Variants in ZFPM2 observed in about 807,000 individuals in gnomAD.
ZFPM2 encodes the protein zinc finger protein, FOG family member 2.
Under a neutral mutation model 98.6 loss-of-function variants are expected in ZFPM2, and 20 were observed. The observed-to-expected ratio is 0.20, with a 90% CI of 0.14 to 0.29. ZFPM2 has a LOEUF of 0.29. Ranked by LOEUF, ZFPM2 falls within the 10% of genes least tolerant of loss-of-function variation. ZFPM2 has a pLI of 1.00. For synonymous variants in ZFPM2, 518 were observed against 502.7 expected (o/e 1.03, Z -0.41); for missense variants, 1,310 against 1,388.6 (o/e 0.94, Z 0.90).
intron 3 of ZFPM2, among the ~76,000 whole-genome samples, chr8:105,538,627 T>A (rs1226344960): frequency 6.6e-6 from 1 of 152,114 alleles, no homozygotes; most frequent in African/African-American, 2.4e-5. Context: ...TTATTCCATA[T>A]TATTATGGGC....
Position 105,577,747 on chromosome 8 carries a change from A to G in ZFPM2, c.420+16266A>G, listed in dbSNP as rs535027432. ...GAGCGTTATAAAAAGACCCAATTTA[A>G]TTAAAGTGGCAAATATGGTGAGGAA... On this transcript the variant is annotated intron_variant, in intron 4 of 7. Coordinates refer to ENST00000407775, the MANE Select transcript of ZFPM2 (RefSeq NM_012082.4). Among the ~76,000 whole-genome samples the G allele has an allele frequency of 7.3e-5, 11 of 151,560 alleles. No individual in the cohort carries two copies. In the Middle Eastern group the frequency reaches 0.014, roughly 187 times the overall value.
intron 4 of ZFPM2, among the ~76,000 whole-genome samples, chr8:105,569,543 A>C (rs1368262778): frequency 6.6e-6 from 1 of 152,188 alleles, no homozygotes; most frequent in Non-Finnish European, 1.5e-5. Flanking sequence ...CAAGATAACT[A>C]TGTCTATTTC....
chr8:105,743,872 G>A (rs1472272198), intron 5 of ZFPM2, among the ~76,000 whole-genome samples: 1 of 152,018 alleles, frequency 6.6e-6, no homozygotes, highest in Non-Finnish European at 1.5e-5. Flanking sequence ...TAGGTGTCAC[G>A]TGTTCATAGA....
chr8:105,594,056 G>A (rs904064091), intron 4 of ZFPM2, among the ~76,000 whole-genome samples: 1 of 152,080 alleles, frequency 6.6e-6, no homozygotes, highest in African/African-American at 2.4e-5. Flanking sequence ...AGGGGTTCCA[G>A]GGTTATTGTA....
chr8:105,674,964 G>T (rs193046161), intron 5 of ZFPM2, among the ~76,000 whole-genome samples: 1 of 152,190 alleles, frequency 6.6e-6, no homozygotes, highest in African/African-American at 2.4e-5. Context: ...AATGGTGATG[G>T]ATTAGACGTT....
At chr8:105,469,953 G>C (rs1424596314) in intron 3 of ZFPM2, among the ~76,000 whole-genome samples, 1 of 152,070 alleles carries the variant, frequency 6.6e-6, no homozygotes. Flanking sequence ...AATTATTATT[G>C]TCATTATAAA....
At chr8:105,471,928 G>A (rs1175824274) in intron 3 of ZFPM2, among the ~76,000 whole-genome samples, 1 of 152,034 alleles carries the variant, frequency 6.6e-6, no homozygotes, top group Non-Finnish European at 1.5e-5. Context: ...AGAATCATTT[G>A]GATTATTACC....
In ZFPM2 at chr8:105,543,232, TC is replaced by T. The variant is rs1465637958; in HGVS notation, c.302-18128del. The stretch of plus-strand genomic sequence containing the variant: ...CGGGCGTGGTAGCTCACTCCTGTAA[TC>T]CCAGCATTTTGGGAGACCAAGGTGG... On this transcript the variant is annotated intron_variant, in intron 3 of 7. Coordinates refer to ENST00000407775, the MANE Select transcript of ZFPM2 (RefSeq NM_012082.4). Among the ~76,000 whole-genome samples, 5 of 152,304 alleles carry T rather than the reference TC, an allele frequency of 3.3e-5. No homozygotes were observed. In the East Asian group the frequency reaches 7.7e-4, roughly 23 times the overall value.
intron 1 of ZFPM2, among the ~76,000 whole-genome samples, chr8:105,412,024 C>T: frequency 6.6e-6 from 1 of 151,702 alleles, no homozygotes; most frequent in East Asian, 1.9e-4. Context: ...GTTCTCAAAG[C>T]AAGGCATTTC....
chr8:105,767,062 T>G (rs1340141493), intron 5 of ZFPM2, among the ~76,000 whole-genome samples: 1 of 151,860 alleles, frequency 6.6e-6, no homozygotes, highest in Non-Finnish European at 1.5e-5. Flanking sequence ...CTACAGGAAT[T>G]TGAATGCCAG....
intron 3 of ZFPM2, among the ~76,000 whole-genome samples, chr8:105,493,079 T>C (rs1813388121): frequency 6.6e-6 from 1 of 152,176 alleles, no homozygotes; most frequent in Admixed American, 6.6e-5. Flanking sequence ...ATGGTAGGAG[T>C]TAAATGTGAT....
chr8:105,441,071 C>T (rs2130191662), intron 2 of ZFPM2, among the ~76,000 whole-genome samples: 2 of 152,210 alleles, frequency 1.3e-5, no homozygotes, highest in African/African-American at 4.8e-5. Context: ...AGAAGAATCA[C>T]TTGAACCCGG....
At chr8:105,710,813 T>G (rs1811374469) in intron 5 of ZFPM2, among the ~76,000 whole-genome samples, 1 of 151,926 alleles carries the variant, frequency 6.6e-6, no homozygotes, top group Admixed American at 6.6e-5. Flanking sequence ...TTTTCTTAAT[T>G]TCTCTGTGTC....
intron 1 of ZFPM2, among the ~76,000 whole-genome samples, chr8:105,353,980 A>G (rs1180263192): frequency 2.6e-5 from 4 of 152,166 alleles, no homozygotes; most frequent in East Asian, 1.9e-4. Flanking sequence ...TCTAAGGAGT[A>G]TGACCACCCA....
intron 1 of ZFPM2, among the ~76,000 whole-genome samples, chr8:105,346,650 C>G (rs1200442024): frequency 6.6e-6 from 1 of 152,150 alleles, no homozygotes; most frequent in African/African-American, 2.4e-5. Flanking sequence ...AAGCATTTAA[C>G]TTAATTTTCT....
rs1812361029 is a variant in ZFPM2, at chr8:105,338,115, AG to A, written c.40+19136del. Among the ~76,000 whole-genome samples, 3 of 151,928 alleles carry A rather than the reference AG, an allele frequency of 2.0e-5. No homozygotes were observed. In the South Asian group the frequency reaches 6.2e-4, roughly 31 times the overall value. On this transcript the variant is annotated intron_variant, in intron 1 of 7. Transcript: ENST00000407775. ...GAGTTATGCTTGTATAGCAACCTAA[AG>A]GTTTTTTATGATATCCCATGATGTT...
At chr8:105,380,226 A>T (rs1586329101) in intron 1 of ZFPM2, among the ~76,000 whole-genome samples, 2 of 152,228 alleles carry the variant, frequency 1.3e-5, no homozygotes, top group Middle Eastern at 3.4e-3. Flanking sequence ...TATATTTCTA[A>T]CACACAGTAA....
chr8:105,501,411 C>T (rs1332163980), intron 3 of ZFPM2, among the ~76,000 whole-genome samples: 1 of 151,944 alleles, frequency 6.6e-6, no homozygotes, highest in Non-Finnish European at 1.5e-5. Flanking sequence ...TTTTGAACTC[C>T]TAACTTCAAG....
intron 1 of ZFPM2, among the ~76,000 whole-genome samples, chr8:105,416,464 A>T (rs959507790): frequency 6.6e-6 from 1 of 151,746 alleles, no homozygotes; most frequent in African/African-American, 2.4e-5. Context: ...TAATATGTAT[A>T]CATTCTTTTT....
Sources: gnomAD v4.1 joint callset for allele counts (sites outside exome capture counted in the v4.1 genomes callset) on GRCh38, gnomAD v4.1.1 for gene constraint, MANE v1.5 for transcripts, NCBI Gene and HGNC (gene_info 2026-07-23, HGNC 2026-07-21) for gene names.